PPP4R3B: variants seen among roughly 807,000 people sequenced by gnomAD.
PPP4R3B encodes the protein serine/threonine-protein phosphatase 4 regulatory subunit 3B.
PPP4R3B carries 52 observed loss-of-function variants against 95.4 expected under a neutral mutation model. The observed-to-expected ratio is 0.54, with a 90% confidence interval of 0.44 to 0.69. The LOEUF is 0.69. Among genes scored for constraint, PPP4R3B ranks in the 30% least tolerant of loss-of-function variants. The probability of loss-of-function intolerance (pLI) is 0.00; values close to 1 mark genes in which losing one functional copy is unlikely to be tolerated. For missense variants in PPP4R3B, 1,003 were observed against 1,005.9 expected, an observed-to-expected ratio of 1.00 and a Z score of 0.04; for synonymous variants, 407 against 343.9, an observed-to-expected ratio of 1.18 and a Z score of -2.03.
intron 7 of PPP4R3B, among the ~76,000 whole-genome samples, chr2:55,582,460 G>C (rs762605002): frequency 6.6e-6 from 1 of 151,920 alleles, no homozygotes; most frequent in Admixed American, 6.6e-5. Context: ...ATTCTAAGCT[G>C]GCATCTCTAT....
rs181389957 is a variant in PPP4R3B at position 55,597,060 on chromosome 2, G to A, written c.921+1356C>T. Among the ~76,000 whole-genome samples the A allele has an allele frequency of 1.3e-3, 199 of 152,292 alleles. 3 individuals are homozygous for A. In the Middle Eastern group the frequency reaches 0.024, roughly 18 times the overall value. ...GTGGTTACTAAGAGCTGGAAGGAGG[G>A]AATATGGGGAGTTACTGTTCAATGG... On this transcript the variant is annotated intron_variant, in intron 4 of 16. Coordinates refer to ENST00000616407, the MANE Select transcript of PPP4R3B (RefSeq NM_001122964.3).
intron 11 of PPP4R3B, 108 bp from the exon 12 acceptor site, chr2:55,573,885 C>CTTT: frequency 2.1e-6 from 1 of 479,466 alleles, no homozygotes; most frequent in Non-Finnish European, 3.1e-6. Context: ...TGTATTTCCT[C>CTTT]CTTTTTTTTT....
At position 55,585,069 on chromosome 2, in the gene PPP4R3B, T is replaced by C; in HGVS notation, c.1215A>G (p.Glu405=). ...TACTTACGTCATCACTCTGCTGAGCTTCTTGCATTACAAACTCTCGGACCA... is the reference window on the plus strand; with the variant it reads ...TACTTACGTCATCACTCTGCTGAGCCTCTTGCATTACAAACTCTCGGACCA... ...PSMVREFVMQ[E]AQQSDDDILL... Residue 405 remains glutamate, a synonymous_variant, in exon 7 of 17, where the codon GAA becomes GAG. Coordinates refer to ENST00000616407, the MANE Select transcript of PPP4R3B (RefSeq NM_001122964.3). The C allele has an allele frequency of 6.2e-7, 1 of 1,611,330 alleles. No homozygotes were observed. The highest frequency in any genetic ancestry group is 1.3e-5 in the African/African-American group (1 of 74,966).
At chr2:55,566,281 T>C (rs1687288388) in intron 13 of PPP4R3B, among the ~76,000 whole-genome samples, 2 of 152,170 alleles carry the variant, frequency 1.3e-5, no homozygotes, top group African/African-American at 4.8e-5. Context: ...CTCTATGTTA[T>C]ATGTGAAACG....
chr2:55,612,568 A>G lies in PPP4R3B; in HGVS notation c.198+2883T>C, dbSNP rs150588905. ...CCGTCTCTACAAACACAACAACAAC[A>G]AAGTTTTGTAATAAATTTTTTAAAG... On this transcript the variant is annotated intron_variant, in intron 2 of 16. Transcript: ENST00000616407. 5.8e-4 allele frequency among the ~76,000 whole-genome samples: 88 copies of G among 152,156 alleles called. No individual in the cohort carries two copies. In the Middle Eastern group the frequency reaches 0.01, roughly 18 times the overall value.
chr2:55,612,878 G>A (rs1430085300), intron 2 of PPP4R3B, among the ~76,000 whole-genome samples: 3 of 151,322 alleles, frequency 2.0e-5, no homozygotes, highest in East Asian at 1.9e-4. Context: ...CCCGGGAGGC[G>A]AAGCTTGCAG....
chr2:55,616,218 ACAT>A (rs916810037), intron 1 of PPP4R3B, among the ~76,000 whole-genome samples: 27 of 152,250 alleles, frequency 1.8e-4, no homozygotes, highest in Admixed American at 1.2e-3. Flanking sequence ...CAAAACAAAA[ACAT>A]CATGACAGGG....
intron 3 of PPP4R3B, among the ~76,000 whole-genome samples, chr2:55,602,758 C>T (rs1692808772): frequency 6.6e-6 from 1 of 152,166 alleles, no homozygotes; most frequent in Non-Finnish European, 1.5e-5. Flanking sequence ...AGACCCTGCC[C>T]TATGCACCTT....
intron 7 of PPP4R3B, among the ~76,000 whole-genome samples, chr2:55,583,276 C>T (rs923570216): frequency 6.6e-6 from 1 of 151,744 alleles, no homozygotes; most frequent in African/African-American, 2.4e-5. Context: ...CTCTTGTGGA[C>T]TAAATTATTT....
intron 3 of PPP4R3B, among the ~76,000 whole-genome samples, chr2:55,601,113 C>T (rs1306113638): frequency 7.4e-6 from 1 of 134,400 alleles, no homozygotes. Flanking sequence ...CCACTGCATT[C>T]TAGCCTGGGG....
At position 55,598,485 on chromosome 2, in the gene PPP4R3B, T is replaced by C; in HGVS notation, c.852A>G (p.Glu284=). Residue 284 remains glutamate, a synonymous_variant, in exon 4 of 17, where the codon GAA becomes GAG. Coordinates refer to ENST00000616407, the MANE Select transcript of PPP4R3B (RefSeq NM_001122964.3). ...DIILPTPSVF[E]ENFLSTLTSF... Reference sequence around the variant, plus strand: ...ACGTAAGAGTAGAAAGAAAATTCTCTTCAAAAACAGATGGTGTGGGCAAAA... The same window carrying C: ...ACGTAAGAGTAGAAAGAAAATTCTCCTCAAAAACAGATGGTGTGGGCAAAA... 6.2e-7 allele frequency: 1 copy of C among 1,614,186 alleles called. No individual in the cohort carries two copies. Among genetic ancestry groups the C allele is most frequent in the Non-Finnish European group, 8.5e-7 (1 of 1,180,024 alleles).
Position 55,578,264 on chromosome 2 carries a change from GA to G in PPP4R3B, c.1546del (p.Ser516LeufsTer9). On this transcript the variant is annotated frameshift_variant, in exon 10 of 17. Transcript: ENST00000616407. LOFTEE classifies it high-confidence loss of function. Reference sequence around the variant, plus strand: ...CAGCATACCTTGAGAGATGGAGGAAGAGGGGGTAGAATGGGAATGGGAATGT... The same window carrying G: ...CAGCATACCTTGAGAGATGGAGGAAGGGGGGTAGAATGGGAATGGGAATGT... ...PSHSHSHSTP[S>X]SSISQDNIVG... is the part of the protein sequence containing the mutation. The G allele has an allele frequency of 6.8e-7, 1 of 1,475,964 alleles. No homozygotes were observed. The highest frequency in any genetic ancestry group is 1.5e-5 in the South Asian group (1 of 66,856). The allele number at this position is 1,475,964 out of a possible 1,614,324, so 91.4% of individuals were successfully genotyped here.
intron 16 of PPP4R3B, among the ~76,000 whole-genome samples, chr2:55,555,278 T>TTA (rs1553459786): frequency 1.8e-5 from 2 of 108,902 alleles, no homozygotes; most frequent in Non-Finnish European, 3.6e-5. Context: ...AGACTCCGTC[T>TTA]AAAAAAAAAA....
At chr2:55,562,176 C>T (rs1400318182) in intron 15 of PPP4R3B, among the ~76,000 whole-genome samples, 1 of 152,120 alleles carries the variant, frequency 6.6e-6, no homozygotes, top group African/African-American at 2.4e-5. Flanking sequence ...AATCCCAGCA[C>T]TTTGGGAGGC....
rs774883310 is a variant in PPP4R3B at position 55,548,497 on chromosome 2, G to C, written c.*1414C>G. On this transcript the variant is annotated 3_prime_UTR_variant, in exon 17 of 17. Transcript: ENST00000616407. Reference sequence around the variant, plus strand: ...ATTTTTTAATACAAAATAAACATCTGTTTTATGGAAAAAACTATACTTCAT... The same window carrying C: ...ATTTTTTAATACAAAATAAACATCTCTTTTATGGAAAAAACTATACTTCAT... The C allele has an allele frequency of 6.6e-6, 1 of 152,406 alleles. No individual in the cohort carries two copies. Among genetic ancestry groups the C allele is most frequent in the Non-Finnish European group, 1.5e-5 (1 of 67,988 alleles). 9.4% of individuals were successfully genotyped at this position (152,406 alleles called of 1,614,324 possible).
At chr2:55,587,358 C>T (rs544006804) in intron 5 of PPP4R3B, among the ~76,000 whole-genome samples, 22 of 152,174 alleles carry the variant, frequency 1.4e-4, no homozygotes, top group African/African-American at 3.9e-4. Context: ...CTGAGGCAGG[C>T]GGATCACTTG....
chr2:55,595,645 C>A (rs1232814062), intron 4 of PPP4R3B, among the ~76,000 whole-genome samples: 1 of 150,950 alleles, frequency 6.6e-6, no homozygotes, highest in Non-Finnish European at 1.5e-5. Flanking sequence ...TTTTGCAAAT[C>A]TCAATACCTG....
At position 55,585,406 on chromosome 2, in the gene PPP4R3B, G is replaced by T. The variant is rs115494226; in HGVS notation, c.1117-239C>A. 1.2e-3 allele frequency among the ~76,000 whole-genome samples: 185 copies of T among 152,214 alleles called. 1 individual carries two copies. The highest frequency in any genetic ancestry group is 0.01 in the Middle Eastern group (3 of 294). On this transcript the variant is annotated intron_variant, in intron 6 of 16. Coordinates refer to ENST00000616407, the MANE Select transcript of PPP4R3B (RefSeq NM_001122964.3). ...TTACCACTGCAAATAAATATACAGA[G>T]AATTTAAATATAAGAATTGGCACAG...
At chr2:55,557,416 C>A (rs1685996695) in intron 16 of PPP4R3B, among the ~76,000 whole-genome samples, 2 of 152,198 alleles carry the variant, frequency 1.3e-5, no homozygotes, top group Admixed American at 1.3e-4. Context: ...TGGTCTTGGA[C>A]TCCTGCGCTC....
Sources: gnomAD v4.1 joint callset for allele counts (sites outside exome capture counted in the v4.1 genomes callset) on GRCh38, gnomAD v4.1.1 for gene constraint, MANE v1.5 for transcripts, NCBI Gene and HGNC (gene_info 2026-07-23, HGNC 2026-07-21) for gene names.